Variants in MSRA observed in about 807,000 individuals in gnomAD.
The protein encoded by MSRA is methionine sulfoxide reductase A.
MSRA carries 54 observed loss-of-function variants against 31.3 expected under a neutral mutation model. The ratio of observed to expected loss-of-function variants is 1.73; its 90% confidence interval spans 1.39 to 2.17. MSRA has a LOEUF of 2.17. Among genes scored for constraint, MSRA ranks in the 30% most tolerant of loss-of-function variants. The probability of loss-of-function intolerance (pLI) is 0.00; values close to 1 mark genes in which losing one functional copy is unlikely to be tolerated. For synonymous variants in MSRA, 169 were observed against 116.5 expected, an observed-to-expected ratio of 1.45 and a Z score of -2.90; for missense variants, 507 against 300.9, an observed-to-expected ratio of 1.69 and a Z score of -5.07.
intron 5 of MSRA, among the ~76,000 whole-genome samples, chr8:10,351,635 T>C (rs1489508543): frequency 6.6e-6 from 1 of 152,244 alleles, no homozygotes; most frequent in African/African-American, 2.4e-5. Context: ...AATATCTTTG[T>C]AGGGCAGGAT....
intron 1 of MSRA, among the ~76,000 whole-genome samples, chr8:10,106,821 CTACCTACCCACT>C (rs1799913611): frequency 1.3e-5 from 2 of 150,876 alleles, no homozygotes; most frequent in South Asian, 4.2e-4. Flanking sequence ...ACCCACCCAC[CTACCTACCCACT>C]CACACACCCA....
intron 2 of MSRA, among the ~76,000 whole-genome samples, chr8:10,240,719 G>A (rs1489172580): frequency 6.6e-6 from 1 of 152,128 alleles, no homozygotes; most frequent in Non-Finnish European, 1.5e-5. Flanking sequence ...CCAGTTGGGA[G>A]GATTTTTCCC....
At chr8:10,386,951 A>T (rs1806433388) in intron 5 of MSRA, among the ~76,000 whole-genome samples, 1 of 151,732 alleles carries the variant, frequency 6.6e-6, no homozygotes, top group South Asian at 2.1e-4. Flanking sequence ...GCTGAACTGC[A>T]GCTGGTGGAG....
intron 5 of MSRA, among the ~76,000 whole-genome samples, chr8:10,410,465 A>C (rs1808088398): frequency 6.6e-6 from 1 of 152,178 alleles, no homozygotes; most frequent in Non-Finnish European, 1.5e-5. Context: ...AAAAATAACC[A>C]ACACAGTTTA....
At chr8:10,111,885 G>C (rs966315391) in intron 1 of MSRA, among the ~76,000 whole-genome samples, 3 of 152,172 alleles carry the variant, frequency 2.0e-5, no homozygotes, top group African/African-American at 7.2e-5. Flanking sequence ...TAACGGAGGA[G>C]GATGGTGACA....
intron 5 of MSRA, among the ~76,000 whole-genome samples, chr8:10,393,371 A>T (rs1383782327): frequency 5.3e-5 from 8 of 152,148 alleles, no homozygotes; most frequent in Non-Finnish European, 1.2e-4. Flanking sequence ...ATTACGGCAA[A>T]TCCTGCTGGG....
chr8:10,108,583 A>G (rs1022732833), intron 1 of MSRA, among the ~76,000 whole-genome samples: 4 of 152,138 alleles, frequency 2.6e-5, no homozygotes, highest in East Asian at 1.9e-4. Context: ...CATATTATTC[A>G]TGCCCTCTTC....
chr8:10,117,525 T>G (rs540961355), intron 1 of MSRA, among the ~76,000 whole-genome samples: 1 of 152,322 alleles, frequency 6.6e-6, no homozygotes, highest in Non-Finnish European at 1.5e-5. Context: ...GATATACATG[T>G]AAGTTTCTAT....
rs554411512 is a variant in MSRA at position 10,286,315 on chromosome 8, A to G, written c.332-15219A>G. 5.3e-5 allele frequency among the ~76,000 whole-genome samples: 8 copies of G among 152,248 alleles called. No individual in the cohort carries two copies. In the South Asian group the frequency reaches 1.7e-3, roughly 32 times the overall value. On this transcript the variant is annotated intron_variant, in intron 3 of 5. Coordinates refer to ENST00000317173, the MANE Select transcript of MSRA (RefSeq NM_012331.5). Reference sequence around the variant, plus strand: ...GGACCTGGTGGGAGGTAATTGAATCATGGGGGCAGGTCTTTCTGGTGCTGT... The same window carrying G: ...GGACCTGGTGGGAGGTAATTGAATCGTGGGGGCAGGTCTTTCTGGTGCTGT...
At chr8:10,162,881 C>T (rs1033366146) in intron 1 of MSRA, among the ~76,000 whole-genome samples, 5 of 152,120 alleles carry the variant, frequency 3.3e-5, no homozygotes, top group Admixed American at 6.5e-5. Flanking sequence ...CCACGACAGT[C>T]GTGTGTAAAG....
At chr8:10,143,962 G>T (rs1221207935) in intron 1 of MSRA, among the ~76,000 whole-genome samples, 1 of 152,130 alleles carries the variant, frequency 6.6e-6, no homozygotes, top group Admixed American at 6.5e-5. Flanking sequence ...AGACCAAGAC[G>T]CCACTCCTGT....
At position 10,054,645 on chromosome 8, in the gene MSRA, G is replaced by A. The variant is rs771640124; in HGVS notation, c.129G>A (p.Gln43=). 3.8e-6 allele frequency: 6 copies of A among 1,567,288 alleles called. No individual in the cohort carries two copies. Among genetic ancestry groups the A allele is most frequent in the Non-Finnish European group, 4.3e-6 (5 of 1,157,808 alleles). ...PQEALPGRKE[Q]TPVAAKHHVN... ...AGGCCTTGCCGGGCCGGAAGGAACA[G>A]ACCCCTGTAGCGGGTAAGCACTGGC... Residue 43 remains glutamine (Q), a synonymous_variant, in exon 1 of 6, where the codon CAG becomes CAA. Transcript: ENST00000317173.
chr8:10,256,090 T>G (rs995318310), intron 3 of MSRA, among the ~76,000 whole-genome samples: 1 of 152,124 alleles, frequency 6.6e-6, no homozygotes, highest in Non-Finnish European at 1.5e-5. Flanking sequence ...TACAGAGTAA[T>G]TTCACTGCCC....
At chr8:10,196,328 A>G (rs1191566660) in intron 1 of MSRA, among the ~76,000 whole-genome samples, 1 of 152,160 alleles carries the variant, frequency 6.6e-6, no homozygotes, top group Non-Finnish European at 1.5e-5. Context: ...CCAGAGTGAC[A>G]GTATGACTTG....
At chr8:10,183,483 G>A (rs565616931) in intron 1 of MSRA, among the ~76,000 whole-genome samples, 3 of 152,162 alleles carry the variant, frequency 2.0e-5, no homozygotes, top group African/African-American at 7.2e-5. Context: ...GTGCTTGGAA[G>A]GCCATTGAAG....
intron 3 of MSRA, among the ~76,000 whole-genome samples, chr8:10,268,822 C>T (rs1361852764): frequency 1.3e-5 from 2 of 152,238 alleles, no homozygotes; most frequent in African/African-American, 4.8e-5. Context: ...GAGGAGCTAA[C>T]CTATTGAAGA....
intron 5 of MSRA, among the ~76,000 whole-genome samples, chr8:10,420,724 G>A (rs929607713): frequency 2.0e-5 from 3 of 152,172 alleles, no homozygotes; most frequent in African/African-American, 7.2e-5. Flanking sequence ...TATCACATAT[G>A]CTATCGGGGA....
chr8:10,061,379 C>T (rs1054015001), intron 1 of MSRA, among the ~76,000 whole-genome samples: 2 of 152,174 alleles, frequency 1.3e-5, no homozygotes, highest in East Asian at 1.9e-4. Flanking sequence ...TTGCCCTGCT[C>T]TAATTCCCCT....
intron 1 of MSRA, among the ~76,000 whole-genome samples, chr8:10,157,375 T>C (rs1172249478): frequency 6.6e-6 from 1 of 152,178 alleles, no homozygotes; most frequent in Non-Finnish European, 1.5e-5. Context: ...CTTAGTCTTA[T>C]CAAATATAAT....
Sources: gnomAD v4.1 joint callset for allele counts (sites outside exome capture counted in the v4.1 genomes callset) on GRCh38, gnomAD v4.1.1 for gene constraint, MANE v1.5 for transcripts, NCBI Gene and HGNC (gene_info 2026-07-23, HGNC 2026-07-21) for gene names.